POLR2B: variants seen among roughly 807,000 people sequenced by gnomAD.
POLR2B encodes the protein DNA-directed RNA polymerase II subunit RPB2.
Under a neutral mutation model 144.6 loss-of-function variants are expected in POLR2B, and 57 were observed. The observed-to-expected ratio is 0.39, with a 90% CI of 0.32 to 0.49. The LOEUF (loss-of-function observed/expected upper bound fraction) is 0.49, where lower values mean the gene tolerates loss of function less well. Ranked by LOEUF, POLR2B falls within the 20% of genes least tolerant of loss-of-function variation. The probability of loss-of-function intolerance (pLI) is 0.83; values close to 1 mark genes in which losing one functional copy is unlikely to be tolerated. For synonymous variants in POLR2B, 442 were observed against 469.8 expected, an observed-to-expected ratio of 0.94 and a Z score of 0.77; for missense variants, 595 against 1,467.4, an observed-to-expected ratio of 0.41 and a Z score of 9.71.
intron 9 of POLR2B, 135 bp from the exon 10 acceptor site, chr4:57,006,681 A>G (rs1723028504): frequency 1.5e-6 from 1 of 658,522 alleles, no homozygotes; most frequent in Admixed American, 2.7e-5. Flanking sequence ...TTTAGACATA[A>G]AAGAGCAACA....
At position 57,030,902 on chromosome 4, in the gene POLR2B, T is replaced by A. The variant is rs886094365; in HGVS notation, c.3439T>A (p.Ser1147Thr). The change falls in exon 25 of 25, where the codon TCT (serine) becomes ACT (threonine). Residue 1147 changes from serine (S) to threonine (T), a missense_variant. Physicochemically the swap from Ser to Thr is moderately conservative, Grantham distance 58. Coordinates refer to ENST00000314595, the MANE Select transcript of POLR2B (RefSeq NM_000938.3). Reference sequence around the variant, plus strand: ...ACCATTTGTTTTTTCTTTTCAGATTTCTTTGGTGCGAATGCCTTACGCATG... The same window carrying A: ...ACCATTTGTTTTTTCTTTTCAGATTACTTTGGTGCGAATGCCTTACGCATG... ...CRGCRNKTQISLVRMPYACKL... is the reference protein window; with the variant it reads ...CRGCRNKTQITLVRMPYACKL... The A allele has an allele frequency of 8.1e-6, 13 of 1,595,912 alleles. No homozygotes were observed. Among genetic ancestry groups the A allele is most frequent in the Non-Finnish European group, 1.1e-5 (13 of 1,163,432 alleles).
chr4:56,983,291 G>C (rs1056296287), intron 1 of POLR2B, among the ~76,000 whole-genome samples: 4 of 150,706 alleles, frequency 2.7e-5, no homozygotes, highest in Admixed American at 6.6e-5. Flanking sequence ...TATTTGGTAG[G>C]ATTCTTTCTT....
chr4:56,980,744 G>C (rs1722132529), intron 1 of POLR2B, among the ~76,000 whole-genome samples: 1 of 151,804 alleles, frequency 6.6e-6, no homozygotes, highest in East Asian at 1.9e-4. Flanking sequence ...CATCTGCCCA[G>C]TTTGAACTCT....
intron 10 of POLR2B, among the ~76,000 whole-genome samples, chr4:57,007,411 G>A (rs7684271): frequency 0.095 from 14,423 of 151,240 alleles, 891 homozygotes; most frequent in African/African-American, 0.17. Flanking sequence ...GTGAGACTCC[G>A]TCTCAAAAAA....
rs760090936 is a variant in POLR2B, at chr4:56,992,492, A to AAAAAAAAAAAAAAAAAAAAG, written c.243+1594_243+1595insAAAAAAAAAAAAAAAAAAAG. Among the ~76,000 whole-genome samples the AAAAAAAAAAAAAAAAAAAAG allele has an allele frequency of 2.3e-5, 2 of 88,482 alleles. 1 individual carries two copies. The highest frequency in any genetic ancestry group is 9.2e-5 in the African/African-American group (2 of 21,764). 58.0% of individuals were successfully genotyped at this position (88,482 alleles called of 152,430 possible). ...AAAAAAAAAAAAAAAAAAAAAAAAA[A>AAAAAAAAAAAAAAAAAAAAG]GAAAAGAAAATACTTGGTGTATTTA... is the stretch of plus-strand genomic sequence containing the variant. On this transcript the variant is annotated intron_variant, in intron 3 of 24. Coordinates refer to ENST00000314595, the MANE Select transcript of POLR2B (RefSeq NM_000938.3).
chr4:57,017,249 T>C lies in POLR2B; in HGVS notation c.2154+8T>C. ...TTTCCTGATCATAACCAGGTTGGTA[T>C]CACTTTTTGTCTTCTGGTGTGAGGA... On this transcript the variant is annotated splice_region_variant and intron_variant, in intron 15 of 24. Coordinates refer to ENST00000314595, the MANE Select transcript of POLR2B (RefSeq NM_000938.3). The surrounding 1 kb of genome is among the most constrained non-coding windows in gnomAD (Gnocchi z 4.8). 6.3e-7 allele frequency: 1 copy of C among 1,594,282 alleles called. No individual in the cohort carries two copies. Among genetic ancestry groups the C allele is most frequent in the Non-Finnish European group, 8.6e-7 (1 of 1,164,754 alleles).
rs565841542 is a variant in POLR2B, at chr4:57,028,334, G to A, written c.3240-1870G>A. Among the ~76,000 whole-genome samples, 17 of 152,206 alleles carry A rather than the reference G, an allele frequency of 1.1e-4. No individual in the cohort carries two copies. In the East Asian group the frequency reaches 1.2e-3, roughly 10 times the overall value. On this transcript the variant is annotated intron_variant, in intron 23 of 24. Coordinates refer to ENST00000314595, the MANE Select transcript of POLR2B (RefSeq NM_000938.3). ...TTTTATATAGAGACTGGGTCTTACTGTGTTGCTCTGGCTGGTCTTGAACTC... is the reference window on the plus strand; with the variant it reads ...TTTTATATAGAGACTGGGTCTTACTATGTTGCTCTGGCTGGTCTTGAACTC...
chr4:57,002,067 A>G (rs1722871539), intron 7 of POLR2B, among the ~76,000 whole-genome samples: 1 of 152,024 alleles, frequency 6.6e-6, no homozygotes, highest in Non-Finnish European at 1.5e-5. Flanking sequence ...TCGCTCTGTC[A>G]CCCAGGCTGG....
chr4:57,012,124 G>A (rs1464034564), intron 13 of POLR2B, among the ~76,000 whole-genome samples: 1 of 151,914 alleles, frequency 6.6e-6, no homozygotes, highest in Non-Finnish European at 1.5e-5. Flanking sequence ...TTACAATAAG[G>A]CCGGGCCTGG....
chr4:56,994,268 T>TGAC, intron 3 of POLR2B, 136 bp from the exon 4 acceptor site: 1 of 596,666 alleles, frequency 1.7e-6, no homozygotes, highest in Admixed American at 3.0e-5. Flanking sequence ...AAGTCCCCAT[T>TGAC]TCAGTAAAAT....
rs1422250006 is a variant in POLR2B, at chr4:57,005,281, A to G, written c.936A>G (p.Gln312=). 1.3e-6 allele frequency: 2 copies of G among 1,586,488 alleles called. No individual in the cohort carries two copies. The highest frequency in any genetic ancestry group is 1.9e-5 in the Admixed American group (1 of 52,558). Residue 312 remains glutamine (Q), a synonymous_variant, in exon 8 of 25, where the codon CAA becomes CAG. Coordinates refer to ENST00000314595, the MANE Select transcript of POLR2B (RefSeq NM_000938.3). ...CTCTCGATGAAGCTTTTGTCATCCA[A>G]GAACAGAATGTTGCACTAAATTTCA... ...KPSLDEAFVI[Q]EQNVALNFIG... is the part of the protein sequence containing the mutation.
intron 13 of POLR2B, among the ~76,000 whole-genome samples, chr4:57,013,397 CTCTA>C (rs147412803): frequency 0.24 from 36,207 of 151,846 alleles, 4,478 homozygotes; most frequent in Middle Eastern, 0.28. Flanking sequence ...CTCTCTATCT[CTCTA>C]TCTCTGTATT....
chr4:56,996,262 G>GTA lies in POLR2B; in HGVS notation c.735+869_735+870dup, dbSNP rs1162674771. 1.6e-3 allele frequency among the ~76,000 whole-genome samples: 138 copies of GTA among 88,860 alleles called. 2 individuals carry two copies. The highest frequency in any genetic ancestry group is 5.5e-3 in the African/African-American group (115 of 20,984). The allele number at this position is 88,860 out of a possible 152,430, so 58.3% of individuals were successfully genotyped here. Reference sequence around the variant, plus strand: ...TGTATGTATATGTGTGTGTGTGTGTGTATATATATATATATATTTTTTTTT... The same window carrying GTA: ...TGTATGTATATGTGTGTGTGTGTGTGTATATATATATATATATATTTTTTTTT... On this transcript the variant is annotated intron_variant, in intron 6 of 24. Transcript: ENST00000314595.
intron 7 of POLR2B, 92 bp downstream of exon 7, chr4:56,999,873 C>A: frequency 2.3e-6 from 2 of 859,200 alleles, no homozygotes; most frequent in African/African-American, 1.7e-5. Flanking sequence ...GAAAGCTGTT[C>A]TGAAGAGTAA....
intron 10 of POLR2B, chr4:57,009,602 A>G (rs114933005): frequency 0.015 from 2,211 of 152,258 alleles, 25 homozygotes; most frequent in Non-Finnish European, 0.023. Flanking sequence ...GGGAGGGGCT[A>G]GGTTTTTTAG....
At chr4:57,018,526 T>C (rs1254128154) in intron 16 of POLR2B, among the ~76,000 whole-genome samples, 1 of 151,656 alleles carries the variant, frequency 6.6e-6, no homozygotes, top group Non-Finnish European at 1.5e-5. Flanking sequence ...GGGGGAAAAA[T>C]AAGATTGGGA....
chr4:57,014,669 A>G lies in POLR2B; in HGVS notation c.1801-833A>G, dbSNP rs567400439. Among the ~76,000 whole-genome samples, 60 of 150,278 alleles carry G rather than the reference A, an allele frequency of 4.0e-4. 1 individual carries two copies. Among genetic ancestry groups the G allele is most frequent in the Admixed American group, 3.9e-3 (59 of 15,014 alleles). On this transcript the variant is annotated intron_variant, in intron 13 of 24. Transcript: ENST00000314595. The stretch of plus-strand genomic sequence containing the variant: ...AGGCACCTGCCACCACACCTGGCTA[A>G]TTTTTTTTGTATTTTTAGTAGAGAT...
At chr4:57,015,895 A>G (rs190383923) in intron 14 of POLR2B, among the ~76,000 whole-genome samples, 2 of 151,992 alleles carry the variant, frequency 1.3e-5, no homozygotes, top group African/African-American at 4.8e-5. Flanking sequence ...AGTAGCTGGG[A>G]TTACAGGTGT....
intron 13 of POLR2B, among the ~76,000 whole-genome samples, chr4:57,014,754 T>C (rs566781720): frequency 6.6e-6 from 1 of 151,874 alleles, no homozygotes; most frequent in East Asian, 1.9e-4. Flanking sequence ...TCCATCCACC[T>C]CGGCCTCCCA....
Sources: gnomAD v4.1 joint callset for allele counts (sites outside exome capture counted in the v4.1 genomes callset) on GRCh38, gnomAD v4.1.1 for gene constraint, Gnocchi (gnomAD v3.1) non-coding constraint, MANE v1.5 for transcripts, NCBI Gene and HGNC (gene_info 2026-07-23, HGNC 2026-07-21) for gene names.